Variants in IQSEC3 observed in about 807,000 individuals in gnomAD.
IQSEC3 encodes IQ motif and SEC7 domain-containing protein 3.
In IQSEC3, 50 loss-of-function variants were observed where a neutral mutation model predicts 105.4. The ratio of observed to expected loss-of-function variants is 0.47; its 90% CI spans 0.38 to 0.60. IQSEC3 has a LOEUF of 0.60. Ranked by LOEUF, IQSEC3 falls within the 20% of genes least tolerant of loss-of-function variation. The pLI, the probability that IQSEC3 is intolerant of heterozygous loss-of-function variation, is 0.00. For missense variants in IQSEC3, 1,415 were observed against 1,630.0 expected, an observed-to-expected ratio of 0.87 and a Z score of 2.27; for synonymous variants, 708 against 746.0, an observed-to-expected ratio of 0.95 and a Z score of 0.83.
At position 157,057 on chromosome 12, in the gene IQSEC3, T is replaced by C. The variant is rs1555094519; in HGVS notation, c.2186T>C (p.Met729Thr). ...GTGGACGAGATGGACTTCTCCAGCA[T>C]GGAGCTGGACGAGGCCCTGCGCAAG... The part of the protein sequence containing the change: ...CVVDEMDFSS[M>T]ELDEALRKFQ... The change falls in exon 6 of 14, where the codon ATG (methionine) becomes ACG (threonine). Residue 729 changes from methionine (M) to threonine (T), a missense_variant. Physicochemically the swap from Met to Thr is moderately conservative, Grantham distance 81. This residue lies in a region of IQSEC3 where 213 missense variants were observed against 306.2 expected (regional missense o/e 0.70). Transcript: ENST00000538872. 1 of 1,607,426 alleles carries C rather than the reference T, an allele frequency of 6.2e-7. No individual in the cohort carries two copies. Among genetic ancestry groups the C allele is most frequent in the South Asian group, 1.1e-5 (1 of 89,496 alleles).
chr12:81,965 T>C (rs905997742), intron 1 of IQSEC3, among the ~76,000 whole-genome samples: 5 of 152,136 alleles, frequency 3.3e-5, no homozygotes, highest in Non-Finnish European at 5.9e-5. Context: ...AACATTCAGG[T>C]AATTGGTGAC....
chr12:168,913 C>A, intron 11 of IQSEC3, 100 bp from the exon 12 acceptor site: 1 of 984,466 alleles, frequency 1.0e-6, no homozygotes, highest in Non-Finnish European at 1.6e-6. Context: ...GGGACCTCTC[C>A]TCCTCTTCCT....
chr12:152,760 G>T lies in IQSEC3; in HGVS notation c.2154-4265G>T, dbSNP rs1272929843. ...AGTGGGGCAGGGAGAGGCCTCACAA[G>T]ATTAGGAAGCTGAAAGCCTGCTCTC... On this transcript the variant is annotated intron_variant, in intron 5 of 13. Transcript: ENST00000538872. The surrounding 1 kb of genome is among the most constrained non-coding windows in gnomAD (Gnocchi z 4.8). Among the ~76,000 whole-genome samples, 1 of 152,172 alleles carries T rather than the reference G, an allele frequency of 6.6e-6. No individual in the cohort carries two copies. Among genetic ancestry groups the T allele is most frequent in the Admixed American group, 6.5e-5 (1 of 15,278 alleles).
intron 2 of IQSEC3, among the ~76,000 whole-genome samples, chr12:109,545 G>A (rs887240024): frequency 1.3e-5 from 2 of 152,022 alleles, no homozygotes; most frequent in Non-Finnish European, 2.9e-5. Flanking sequence ...CAGCCATCTA[G>A]TCTTTGCCGT....
At chr12:82,759 T>A (rs1169931271) in intron 1 of IQSEC3, among the ~76,000 whole-genome samples, 1 of 152,196 alleles carries the variant, frequency 6.6e-6, no homozygotes, top group Non-Finnish European at 1.5e-5. Context: ...CCAAGCAACG[T>A]GAGGTTGCTT....
intron 2 of IQSEC3, among the ~76,000 whole-genome samples, chr12:124,801 G>A (rs1865330663): frequency 6.6e-6 from 1 of 152,200 alleles, no homozygotes; most frequent in Middle Eastern, 3.2e-3. Flanking sequence ...GCAATCTGAG[G>A]GAACCAACTC....
At chr12:107,162 G>T (rs747202281) in intron 2 of IQSEC3, among the ~76,000 whole-genome samples, 34 of 152,152 alleles carry the variant, frequency 2.2e-4, no homozygotes, top group Non-Finnish European at 4.6e-4. Context: ...AGTTAAAGTG[G>T]CTCCCATTGT....
intron 1 of IQSEC3, among the ~76,000 whole-genome samples, chr12:82,199 G>T (rs527637241): frequency 6.6e-6 from 1 of 152,162 alleles, no homozygotes. Context: ...ATTTAGTTAG[G>T]TATGATTATG....
In IQSEC3 at chr12:125,313, A is replaced by C. The variant is rs1236460039; in HGVS notation, c.624-320A>C. 1.3e-5 allele frequency among the ~76,000 whole-genome samples: 2 copies of C among 152,186 alleles called. 1 individual carries two copies. The highest frequency in any genetic ancestry group is 2.9e-5 in the Non-Finnish European group (2 of 68,028). ...TGCAATGAGGCTGAGTGACCTGCTC[A>C]GGGTCACACAGCTCGTAAGAGGCAG... On this transcript the variant is annotated intron_variant, in intron 2 of 13. Coordinates refer to ENST00000538872, the MANE Select transcript of IQSEC3 (RefSeq NM_001170738.2).
rs903064241 is a variant in IQSEC3, at chr12:176,547, T to C, written c.*1514T>C. The C allele has an allele frequency of 2.6e-5, 4 of 152,238 alleles. No homozygotes were observed. Among genetic ancestry groups the C allele is most frequent in the Admixed American group, 2.0e-4 (3 of 15,286 alleles). 9.4% of individuals were successfully genotyped at this position (152,238 alleles called of 1,614,324 possible). A position where few individuals can be genotyped will look rare whatever the true frequency, so the allele number is the denominator to read the frequency against. On this transcript the variant is annotated 3_prime_UTR_variant, in exon 14 of 14. Transcript: ENST00000538872. The surrounding 1 kb of genome is among the most constrained non-coding windows in gnomAD (Gnocchi z 4.0). ...TTGAATCTCCCCACCCCGCCCCGCCTGCAGTAGCCGGGCCAGGTAGGAGGC... is the reference window on the plus strand; with the variant it reads ...TTGAATCTCCCCACCCCGCCCCGCCCGCAGTAGCCGGGCCAGGTAGGAGGC...
intron 1 of IQSEC3, among the ~76,000 whole-genome samples, chr12:70,531 C>A (rs1258421272): frequency 2.0e-5 from 3 of 152,284 alleles, no homozygotes; most frequent in Non-Finnish European, 4.4e-5. Flanking sequence ...ATGAAAGCAG[C>A]AAACATAGCT....
intron 12 of IQSEC3, among the ~76,000 whole-genome samples, chr12:170,648 G>A (rs536661747): frequency 1.3e-5 from 2 of 152,188 alleles, no homozygotes; most frequent in African/African-American, 2.4e-5. Context: ...AGCAGTTATC[G>A]GCTCTCACCG....
At chr12:133,255 C>G (rs782370071) in intron 3 of IQSEC3, among the ~76,000 whole-genome samples, 3 of 152,218 alleles carry the variant, frequency 2.0e-5, no homozygotes, top group Non-Finnish European at 4.4e-5. Context: ...ACACAGAAGC[C>G]GTGGATGATG....
chr12:95,028 T>C (rs1361040280), intron 1 of IQSEC3, among the ~76,000 whole-genome samples: 3 of 152,230 alleles, frequency 2.0e-5, no homozygotes, highest in Non-Finnish European at 2.9e-5. Flanking sequence ...GGCTCTTGCC[T>C]TCTTGCTCCT....
At chr12:163,438 G>T (rs528624727) in intron 8 of IQSEC3, 56 bp from the exon 9 acceptor site, 2 of 1,524,032 alleles carry the variant, frequency 1.3e-6, no homozygotes, top group African/African-American at 1.4e-5. Flanking sequence ...GGGCGCGTGG[G>T]TGGGGAGGCC....
Position 175,480 on chromosome 12 carries a change from G to A in IQSEC3, c.*447G>A, listed in dbSNP as rs1591766293. On this transcript the variant is annotated 3_prime_UTR_variant, in exon 14 of 14. Coordinates refer to ENST00000538872, the MANE Select transcript of IQSEC3 (RefSeq NM_001170738.2). ...GGCTGGCTCGCAGCCCAGAACTAGT[G>A]CCTCTGTAGCTGCACTGAGGGGAGG... 6.3e-6 allele frequency: 1 copy of A among 158,970 alleles called. No homozygotes were observed. The highest frequency in any genetic ancestry group is 1.4e-5 in the Non-Finnish European group (1 of 72,860). The allele number at this position is 158,970 out of a possible 1,614,324, so 9.8% of individuals were successfully genotyped here.
At chr12:100,579 A>G (rs1864392626) in intron 2 of IQSEC3, among the ~76,000 whole-genome samples, 1 of 152,138 alleles carries the variant, frequency 6.6e-6, no homozygotes, top group Non-Finnish European at 1.5e-5. Context: ...CCACACACCC[A>G]AGAGGCCCTT....
rs1433672471 is a variant in IQSEC3, at chr12:175,120, G to A, written c.*87G>A. 20 of 1,037,184 alleles carry A rather than the reference G, an allele frequency of 1.9e-5. No individual in the cohort carries two copies. Among genetic ancestry groups the A allele is most frequent in the South Asian group, 5.2e-5 (3 of 57,798 alleles). The allele number at this position is 1,037,184 out of a possible 1,614,324, so 64.2% of individuals were successfully genotyped here. ...TCCACTGCTCCCCATACCCTGGCAC[G>A]ATGCGTTCCTGGTCACTGATCACCA... On this transcript the variant is annotated 3_prime_UTR_variant, in exon 14 of 14. Coordinates refer to ENST00000538872, the MANE Select transcript of IQSEC3 (RefSeq NM_001170738.2).
chr12:70,319 T>A (rs1863264327), intron 1 of IQSEC3, among the ~76,000 whole-genome samples: 1 of 152,270 alleles, frequency 6.6e-6, no homozygotes, highest in South Asian at 2.1e-4. Context: ...TCTGCATTAA[T>A]ACATAATCTG....
Sources: allele counts gnomAD v4.1 joint callset (sites outside exome capture counted in the v4.1 genomes callset), GRCh38; gene constraint gnomAD v4.1.1; regional missense constraint gnomAD v4.1.1; non-coding constraint Gnocchi (gnomAD v3.1); transcripts MANE v1.5; gene names NCBI Gene and HGNC (gene_info 2026-07-23, HGNC 2026-07-21).